The following SUMF1 variants were observed in gnomAD, a reference collection of about 807,000 sequenced individuals.
SUMF1 encodes the protein formylglycine-generating enzyme.
SUMF1 carries 48 observed loss-of-function variants against 47.6 expected under a neutral mutation model. The ratio of observed to expected loss-of-function variants is 1.01; its 90% CI spans 0.80 to 1.28. The LOEUF is 1.28. Ranked by LOEUF, SUMF1 falls within the 50% of genes most tolerant of loss-of-function variation. The pLI is 0.00. For synonymous variants in SUMF1, 230 were observed against 192.1 expected (o/e 1.20, Z -1.63); for missense variants, 571 against 485.4 (o/e 1.18, Z -1.66).
intron 1 of SUMF1, among the ~76,000 whole-genome samples, chr3:4,462,378 C>T (rs374450436): frequency 1.3e-5 from 2 of 152,062 alleles, no homozygotes; most frequent in Admixed American, 6.6e-5. Context: ...ACAATGGAGC[C>T]GACTATGCAG....
At chr3:4,074,913 G>A (rs144377648) in intron 8 of SUMF1, among the ~76,000 whole-genome samples, 7 of 152,044 alleles carry the variant, frequency 4.6e-5, no homozygotes, top group African/African-American at 1.7e-4. Flanking sequence ...TCCACCAGAC[G>A]TACAAAAAGG....
In SUMF1 at chr3:4,467,016, G is replaced by T. The variant is rs370526747; in HGVS notation, c.230C>A (p.Pro77Gln). The change falls in exon 1 of 9, where the codon CCG becomes CAG. Residue 77 changes from proline to glutamine, a missense_variant. Pro to Gln is a moderately conservative substitution (Grantham distance 76, BLOSUM62 -1). Coordinates refer to ENST00000272902, the MANE Select transcript of SUMF1 (RefSeq NM_182760.4). ...TTGCCGCTCTCCGGGTACGGGGCCC[G>T]GAGCGTTAGCCTCCCGCGAGTATCG... ...AHRYSREANA[P>Q]GPVPGERQLA... The T allele has an allele frequency of 8.8e-6, 14 of 1,592,544 alleles. No homozygotes were observed. The highest frequency in any genetic ancestry group is 1.1e-5 in the South Asian group (1 of 88,132).
chr3:4,181,502 GC>G (rs1392938240), intron 8 of SUMF1, among the ~76,000 whole-genome samples: 1 of 152,198 alleles, frequency 6.6e-6, no homozygotes, highest in Non-Finnish European at 1.5e-5. Context: ...GAAGATCTGA[GC>G]TCTAATCTTC....
chr3:4,356,850 T>G (rs534720562), downstream of SUMF1, among the ~76,000 whole-genome samples: 1 of 152,346 alleles, frequency 6.6e-6, no homozygotes, highest in Non-Finnish European at 1.5e-5. Context: ...AACAGAGCAG[T>G]GGCAGCACGC....
At chr3:4,419,317 G>C (rs145444068) in intron 4 of SUMF1, among the ~76,000 whole-genome samples, 41 of 152,254 alleles carry the variant, frequency 2.7e-4, no homozygotes, top group African/African-American at 9.4e-4. Flanking sequence ...TTGTCAAGGG[G>C]CTATATCCCT....
In SUMF1 at chr3:4,292,127, A is replaced by C. The variant is rs116199722; in HGVS notation, c.1014+84203T>G. Among the ~76,000 whole-genome samples the C allele has an allele frequency of 1.9e-3, 295 of 152,354 alleles. 2 individuals are homozygous for C. Among genetic ancestry groups the C allele is most frequent in the African/African-American group, 6.9e-3 (286 of 41,582 alleles). On this transcript the variant is annotated intron_variant and NMD_transcript_variant, in intron 8 of 12. Transcript: ENST00000448413. ...AAATGTAAATCTATTGATCAAAAAT[A>C]AAATTTTCCTTATTTATCAATTATT...
intron 9 of SUMF1, among the ~76,000 whole-genome samples, chr3:4,066,069 TG>T (rs1161175233): frequency 6.6e-6 from 1 of 151,956 alleles, no homozygotes; most frequent in East Asian, 1.9e-4. Context: ...ATGAGCCTCC[TG>T]GGGCATAAAG....
intron 1 of SUMF1, among the ~76,000 whole-genome samples, chr3:4,456,813 CGTGTGT>C (rs764743431): frequency 8.9e-6 from 1 of 112,532 alleles, no homozygotes. Flanking sequence ...TATATATATA[CGTGTGT>C]GTGTATATAT....
intron 8 of SUMF1, among the ~76,000 whole-genome samples, chr3:4,267,270 C>G (rs1007626433): frequency 5.9e-5 from 9 of 152,066 alleles, no homozygotes; most frequent in African/African-American, 2.2e-4. Context: ...CCCTCTTTTT[C>G]TATTGATTGG....
intron 8 of SUMF1, among the ~76,000 whole-genome samples, chr3:4,272,336 C>T (rs1488884749): frequency 2.0e-5 from 3 of 152,148 alleles, no homozygotes; most frequent in Non-Finnish European, 4.4e-5. Context: ...GGGCTTTAAT[C>T]GACCCGACAG....
At chr3:4,114,933 G>A (rs188010426) in intron 8 of SUMF1, among the ~76,000 whole-genome samples, 4 of 152,196 alleles carry the variant, frequency 2.6e-5, no homozygotes, top group Non-Finnish European at 1.5e-5. Flanking sequence ...GCACTGGGTG[G>A]AGAAACGCAG....
At chr3:4,051,288 T>A (rs1695106923) in intron 9 of SUMF1, among the ~76,000 whole-genome samples, 2 of 151,510 alleles carry the variant, frequency 1.3e-5, no homozygotes, top group Admixed American at 6.6e-5. Flanking sequence ...TATCTCCACA[T>A]CCCTCCTGAG....
At chr3:4,447,321 G>A (rs1390091026) in intron 3 of SUMF1, among the ~76,000 whole-genome samples, 3 of 152,126 alleles carry the variant, frequency 2.0e-5, no homozygotes, top group South Asian at 4.1e-4. Flanking sequence ...CACTTCCAAG[G>A]CCTCTTCTAT....
At chr3:4,148,202 A>T (rs1694239359) in intron 8 of SUMF1, among the ~76,000 whole-genome samples, 1 of 152,194 alleles carries the variant, frequency 6.6e-6, no homozygotes, top group Non-Finnish European at 1.5e-5. Flanking sequence ...GGCGAAGAAA[A>T]GCTGCTGTTG....
chr3:4,064,540 C>T (rs1695337776), intron 9 of SUMF1, among the ~76,000 whole-genome samples: 1 of 152,088 alleles, frequency 6.6e-6, no homozygotes, highest in Non-Finnish European at 1.5e-5. Flanking sequence ...ATGGAGTAGG[C>T]ATTCTTTTGT....
At chr3:4,114,067 C>G (rs1693369408) in intron 8 of SUMF1, among the ~76,000 whole-genome samples, 2 of 152,066 alleles carry the variant, frequency 1.3e-5, no homozygotes, top group African/African-American at 4.8e-5. Context: ...ATTTCATCAG[C>G]TAATTTCTTG....
intron 9 of SUMF1, among the ~76,000 whole-genome samples, chr3:4,041,663 G>T (rs1213161366): frequency 6.6e-6 from 1 of 152,264 alleles, no homozygotes; most frequent in East Asian, 1.9e-4. Flanking sequence ...TTATGCGTAG[G>T]TGACATTCTA....
chr3:4,300,026 T>C (rs1697930406), intron 8 of SUMF1, among the ~76,000 whole-genome samples: 1 of 152,158 alleles, frequency 6.6e-6, no homozygotes, highest in Non-Finnish European at 1.5e-5. Context: ...CCAAGCCTCA[T>C]GTTGAAATCT....
intron 8 of SUMF1, among the ~76,000 whole-genome samples, chr3:4,093,770 A>G (rs1317111050): frequency 1.3e-5 from 2 of 152,148 alleles, no homozygotes; most frequent in Non-Finnish European, 1.5e-5. Context: ...CTAAGGAAGA[A>G]GAATAAAAAA....
Sources: gnomAD v4.1 joint callset for allele counts (sites outside exome capture counted in the v4.1 genomes callset) on GRCh38, gnomAD v4.1.1 for gene constraint, MANE v1.5 for transcripts, NCBI Gene and HGNC (gene_info 2026-07-23, HGNC 2026-07-21) for gene names.